Variants in ZAP70 observed in about 807,000 individuals in gnomAD.
ZAP70 encodes zeta chain of T cell receptor associated protein kinase 70, also known as tyrosine-protein kinase ZAP-70.
Under a neutral mutation model 65.8 loss-of-function variants are expected in ZAP70, and 27 were observed. The ratio of observed to expected loss-of-function variants is 0.41; its 90% CI spans 0.30 to 0.57. The LOEUF (loss-of-function observed/expected upper bound fraction) is 0.57. Among genes scored for constraint, ZAP70 ranks in the 20% least tolerant of loss-of-function variants. ZAP70 has a pLI of 0.28. For missense variants in ZAP70, 696 were observed against 870.5 expected (o/e 0.80, Z 2.52); for synonymous variants, 363 against 360.8 (o/e 1.01, Z -0.07).
Position 97,725,193 on chromosome 2 carries a change from G to C in ZAP70, c.504G>C (p.Leu168=), listed in dbSNP as rs1156251276. 2.7e-5 allele frequency: 43 copies of C among 1,614,090 alleles called. No homozygotes were observed. Among genetic ancestry groups the C allele is most frequent in the Non-Finnish European group, 3.5e-5 (41 of 1,180,044 alleles). Residue 168 remains leucine (L), a synonymous_variant, in exon 4 of 14, where the codon CTG becomes CTC. Transcript: ENST00000264972. ...GGATGCCCTGGTACCACAGCAGCCT[G>C]ACGCGTGAGGAGGCCGAGCGCAAAC... is the stretch of plus-strand genomic sequence containing the variant. ...HERMPWYHSS[L]TREEAERKLY...
Position 97,724,192 on chromosome 2 carries a change from C to T in ZAP70, c.156C>T (p.His52=), listed in dbSNP as rs138447206. 366 of 1,598,440 alleles carry T rather than the reference C, an allele frequency of 2.3e-4. 1 individual carries two copies. Among genetic ancestry groups the T allele is most frequent in the Non-Finnish European group, 1.2e-4 (144 of 1,174,134 alleles). ...GCGGCTATGTGCTGTCGCTCGTGCACGATGTGCGCTTCCACCACTTTCCCA... is the reference window on the plus strand; with the variant it reads ...GCGGCTATGTGCTGTCGCTCGTGCATGATGTGCGCTTCCACCACTTTCCCA... ...SLGGYVLSLV[H]DVRFHHFPIE... is the part of the protein sequence containing the mutation. Residue 52 remains histidine (H), a synonymous_variant, in exon 3 of 14, where the codon CAC becomes CAT. Transcript: ENST00000264972.
chr2:97,735,193 G>C (rs937477987), intron 9 of ZAP70, 57 bp from the exon 10 acceptor site: 1 of 1,533,800 alleles, frequency 6.5e-7, no homozygotes, highest in East Asian at 2.2e-5. Context: ...TGGGGGTGTG[G>C]GGCCGAGCAG....
chr2:97,744,159 G>A (rs1005616842), downstream of ZAP70, among the ~76,000 whole-genome samples: 1 of 152,126 alleles, frequency 6.6e-6, no homozygotes, highest in Non-Finnish European at 1.5e-5. Flanking sequence ...TGAACCCAGC[G>A]AAACCCTATC....
rs1676865295 is a variant in ZAP70 at position 97,715,347 on chromosome 2, C to CAAGG, written c.-22+1354_-22+1357dup. On this transcript the variant is annotated intron_variant, in intron 2 of 13. Coordinates refer to ENST00000264972, the MANE Select transcript of ZAP70 (RefSeq NM_001079.4). This position sits in a 1 kb window ranked among gnomAD's most constrained non-coding sequence, Gnocchi z 4.1. ...GGACAGGAATCCTGTGAACAGCCTA[C>CAAGG]AAGGCCCAGGACAGTCCCACCCTGT... is the stretch of plus-strand genomic sequence containing the variant. 6.6e-6 allele frequency among the ~76,000 whole-genome samples: 1 copy of CAAGG among 152,352 alleles called. No individual in the cohort carries two copies. The highest frequency in any genetic ancestry group is 2.4e-5 in the African/African-American group (1 of 41,580).
chr2:97,733,777 G>A (rs980424137), intron 8 of ZAP70, 182 bp downstream of exon 8: 22 of 722,582 alleles, frequency 3.0e-5, no homozygotes, highest in Admixed American at 8.9e-5. Flanking sequence ...GCACATGTAC[G>A]TCCCAGTGTG....
At chr2:97,729,146 A>G (rs912879734) in intron 4 of ZAP70, among the ~76,000 whole-genome samples, 2 of 152,170 alleles carry the variant, frequency 1.3e-5, no homozygotes, top group Non-Finnish European at 2.9e-5. Flanking sequence ...ATTCACCTCA[A>G]AGACTTTGCA....
chr2:97,732,608 T>G, intron 4 of ZAP70: 2 of 543,156 alleles, frequency 3.7e-6, no homozygotes, highest in Non-Finnish European at 3.3e-6. Context: ...CCGTGGGGGG[T>G]CAGGTATTCC....
rs193922633 is a variant in ZAP70, at chr2:97,735,322, C to T, written c.1155C>T (p.Arg385=). ...TEKADTEEMM[R]EAQIMHQLDN... ...AGGCAGACACGGAAGAGATGATGCG[C>T]GAGGCGCAGATCATGCACCAGCTGG... is the stretch of plus-strand genomic sequence containing the variant. Residue 385 remains arginine (R), a synonymous_variant, in exon 10 of 14, where the codon CGC becomes CGT. Coordinates refer to ENST00000264972, the MANE Select transcript of ZAP70 (RefSeq NM_001079.4). 2.9e-5 allele frequency: 47 copies of T among 1,614,142 alleles called. No individual in the cohort carries two copies. The highest frequency in any genetic ancestry group is 1.2e-4 in the African/African-American group (9 of 75,058).
rs537610203 is a variant in ZAP70 at position 97,724,979 on chromosome 2, G to A, written c.403-113G>A. ...GTCCTCGAAAACCTGCCTAACACGC[G>A]CTAGGGACGCCTGGGTGGGGTGGGG... On this transcript the variant is annotated intron_variant, in intron 3 of 13. Transcript: ENST00000264972. The A allele has an allele frequency of 1.7e-5, 26 of 1,554,604 alleles. No individual in the cohort carries two copies. In the African/African-American group the frequency reaches 2.0e-4, roughly 12 times the overall value.
At chr2:97,717,179 G>C (rs947484004) in intron 2 of ZAP70, among the ~76,000 whole-genome samples, 5 of 152,232 alleles carry the variant, frequency 3.3e-5, no homozygotes, top group African/African-American at 1.2e-4. Flanking sequence ...TGGCTTCAGA[G>C]GGACTTAGGG....
the ZAP70 span, among the ~76,000 whole-genome samples, chr2:97,753,636 C>A: frequency 6.6e-6 from 1 of 152,036 alleles, no homozygotes; most frequent in Non-Finnish European, 1.5e-5. Flanking sequence ...GGTAAAAAAA[C>A]ATTTAAAAAA....
At chr2:97,748,624 G>T in the ZAP70 span, among the ~76,000 whole-genome samples, 1 of 152,192 alleles carries the variant, frequency 6.6e-6, no homozygotes, top group African/African-American at 2.4e-5. Flanking sequence ...CGTGAGGCCA[G>T]GTGCGGGTTC....
At chr2:97,733,266 C>T (rs1448620655) in intron 6 of ZAP70, 31 bp from the exon 7 acceptor site, 1 of 1,609,006 alleles carries the variant, frequency 6.2e-7, no homozygotes, top group Admixed American at 1.7e-5. Context: ...GACCTGGCCC[C>T]CAGCCCTCAC....
At chr2:97,735,214 C>A in intron 9 of ZAP70, 36 bp from the exon 10 acceptor site, 1 of 1,612,090 alleles carries the variant, frequency 6.2e-7, no homozygotes. Flanking sequence ...GGCCGGTGCC[C>A]CTCGCCCACG....
At position 97,739,412 on chromosome 2, in the gene ZAP70, C is replaced by T. The variant is rs753242822; in HGVS notation, c.1774C>T (p.Arg592Cys). 10 of 1,613,534 alleles carry T rather than the reference C, an allele frequency of 6.2e-6. No individual in the cohort carries two copies. The highest frequency in any genetic ancestry group is 2.7e-5 in the African/African-American group (2 of 74,948). The change falls in exon 14 of 14, where the codon CGC becomes TGC. Residue 592 changes from arginine to cysteine, a missense_variant. Arg to Cys is a radical substitution (Grantham distance 180). Transcript: ENST00000264972. ...DRPDFLTVEQ[R>C]MRACYYSLAS... Reference sequence around the variant, plus strand: ...CCCCGACTTCCTGACCGTGGAGCAGCGCATGCGAGCCTGTTACTACAGCCT... The same window carrying T: ...CCCCGACTTCCTGACCGTGGAGCAGTGCATGCGAGCCTGTTACTACAGCCT...
chr2:97,753,802 T>A, the ZAP70 span, among the ~76,000 whole-genome samples: 1 of 151,704 alleles, frequency 6.6e-6, no homozygotes, highest in African/African-American at 2.4e-5. Context: ...CAAGACCTCA[T>A]CCCTATAAAA....
At chr2:97,733,695 G>A (rs55858247) in intron 8 of ZAP70, 100 bp downstream of exon 8, 185 of 1,482,402 alleles carry the variant, frequency 1.2e-4, no homozygotes, top group Admixed American at 4.5e-4. Flanking sequence ...GCTGTGGGCC[G>A]GGCCAGGCTG....
downstream of ZAP70, among the ~76,000 whole-genome samples, chr2:97,744,691 G>C (rs1216388790): frequency 6.6e-6 from 1 of 152,150 alleles, no homozygotes; most frequent in African/African-American, 2.4e-5. Flanking sequence ...AGAATAACAG[G>C]GAAGGATCCA....
chr2:97,725,126 C>T lies in ZAP70; in HGVS notation c.437C>T (p.Ala146Val), dbSNP rs1363566836. Reference sequence around the variant, plus strand: ...CTGGAGCAGGCCATCATCAGCCAGGCCCCGCAGGTGGAGAAGCTCATTGCT... The same window carrying T: ...CTGGAGCAGGCCATCATCAGCCAGGTCCCGCAGGTGGAGAAGCTCATTGCT... ...EALEQAIISQ[A>V]PQVEKLIATT... The change falls in exon 4 of 14, where the codon GCC (alanine) becomes GTC (valine). Residue 146 changes from alanine to valine, a missense_variant. Physicochemically the swap from Ala to Val is moderately conservative, Grantham distance 64. This residue lies in a region of ZAP70 where 551 missense variants were observed against 630.0 expected (regional missense o/e 0.87). Transcript: ENST00000264972. The T allele has an allele frequency of 2.5e-6, 4 of 1,613,994 alleles. No homozygotes were observed. Among genetic ancestry groups the T allele is most frequent in the Admixed American group, 3.3e-5 (2 of 60,006 alleles).
Sources: gnomAD v4.1 joint callset for allele counts (sites outside exome capture counted in the v4.1 genomes callset) on GRCh38, gnomAD v4.1.1 for gene constraint, gnomAD v4.1.1 regional missense constraint, Gnocchi (gnomAD v3.1) non-coding constraint, MANE v1.5 for transcripts, NCBI Gene and HGNC (gene_info 2026-07-23, HGNC 2026-07-21) for gene names.